The following CDK14 variants were observed in gnomAD, a reference collection of about 807,000 sequenced individuals.
CDK14 encodes the protein cyclin dependent kinase 14.
A neutral mutation model predicts 60.7 loss-of-function variants in CDK14; 34 were observed. The observed-to-expected ratio is 0.56, with a 90% CI of 0.43 to 0.75. The LOEUF (loss-of-function observed/expected upper bound fraction) is 0.75, where lower values mean the gene tolerates loss of function less well. CDK14 is among the 30% of genes least tolerant of loss of function. The pLI is 0.00. For missense variants in CDK14, 482 were observed against 564.1 expected (o/e 0.85, Z 1.47); for synonymous variants, 197 against 203.7 (o/e 0.97, Z 0.28).
chr7:90,838,986 T>C (rs1388863199), intron 5 of CDK14, among the ~76,000 whole-genome samples: 1 of 152,136 alleles, frequency 6.6e-6, no homozygotes, highest in Non-Finnish European at 1.5e-5. Context: ...AACTTGCTGG[T>C]TTTGCAGCTA....
chr7:91,115,711 C>T (rs929978944), intron 13 of CDK14, among the ~76,000 whole-genome samples: 22 of 152,264 alleles, frequency 1.4e-4, no homozygotes, highest in African/African-American at 4.8e-4. Context: ...TGTCAGACCC[C>T]ATGAGAAGGG....
intron 1 of CDK14, among the ~76,000 whole-genome samples, chr7:90,603,690 A>G (rs572202341): frequency 5.3e-5 from 8 of 152,340 alleles, no homozygotes; most frequent in African/African-American, 1.9e-4. Flanking sequence ...ATACTTTGTT[A>G]TAAAATTTAT....
intron 12 of CDK14, among the ~76,000 whole-genome samples, chr7:91,092,114 T>C (rs1441571831): frequency 6.6e-6 from 1 of 152,208 alleles, no homozygotes; most frequent in East Asian, 1.9e-4. Context: ...CTAGCAATCA[T>C]GCCAATTTGG....
At chr7:91,170,292 G>C (rs542905628) in intron 14 of CDK14, among the ~76,000 whole-genome samples, 1 of 152,138 alleles carries the variant, frequency 6.6e-6, no homozygotes, top group South Asian at 2.1e-4. Flanking sequence ...TGGATTTTGG[G>C]GCTCTTTTAA....
chr7:90,890,189 A>G (rs952737418), intron 6 of CDK14, among the ~76,000 whole-genome samples: 8 of 152,374 alleles, frequency 5.3e-5, no homozygotes, highest in Admixed American at 2.6e-4. Flanking sequence ...CCCGGACAAC[A>G]TAGTGAGAGT....
chr7:90,907,042 T>G (rs1485441423), intron 7 of CDK14, among the ~76,000 whole-genome samples: 1 of 152,052 alleles, frequency 6.6e-6, no homozygotes, highest in Non-Finnish European at 1.5e-5. Context: ...TAATATCAAT[T>G]TTTGACAAAG....
At chr7:91,194,629 G>A (rs947919825) in intron 14 of CDK14, among the ~76,000 whole-genome samples, 9 of 152,060 alleles carry the variant, frequency 5.9e-5, no homozygotes, top group African/African-American at 2.2e-4. Flanking sequence ...CATGATAGGT[G>A]CTTAGGGTGC....
chr7:90,993,356 T>G (rs886210856), intron 10 of CDK14, among the ~76,000 whole-genome samples: 2 of 152,080 alleles, frequency 1.3e-5, no homozygotes, highest in Non-Finnish European at 2.9e-5. Flanking sequence ...TATTTTATAA[T>G]CTAAGTATTT....
chr7:90,735,127 A>T (rs1803037558), intron 3 of CDK14, among the ~76,000 whole-genome samples: 1 of 152,200 alleles, frequency 6.6e-6, no homozygotes, highest in Non-Finnish European at 1.5e-5. Context: ...TTGCCTGGGT[A>T]TCACGAGCAG....
At chr7:91,199,978 G>A (rs1802667114) in intron 14 of CDK14, among the ~76,000 whole-genome samples, 1 of 152,126 alleles carries the variant, frequency 6.6e-6, no homozygotes, top group Non-Finnish European at 1.5e-5. Context: ...TACAGAAGTA[G>A]GTTTGACTAA....
At chr7:90,948,771 AGT>A (rs1419871225) in intron 8 of CDK14, among the ~76,000 whole-genome samples, 3 of 152,270 alleles carry the variant, frequency 2.0e-5, no homozygotes, top group African/African-American at 7.2e-5. Context: ...TCATACACAT[AGT>A]GAAACCAACA....
chr7:90,653,484 A>C (rs11563414), intron 2 of CDK14, among the ~76,000 whole-genome samples: 18 of 151,302 alleles, frequency 1.2e-4, no homozygotes, highest in Admixed American at 2.0e-4. Flanking sequence ...TCTGGATCCT[A>C]GGAACCACTC....
intron 2 of CDK14, among the ~76,000 whole-genome samples, chr7:90,690,787 A>C (rs562415181): frequency 5.9e-4 from 90 of 152,176 alleles, no homozygotes; most frequent in Non-Finnish European, 1.0e-3. Flanking sequence ...TAGCAAATGT[A>C]GAGAATTTTC....
At chr7:90,675,204 T>A (rs1298803469) in intron 2 of CDK14, among the ~76,000 whole-genome samples, 1 of 152,024 alleles carries the variant, frequency 6.6e-6, no homozygotes, top group Non-Finnish European at 1.5e-5. Context: ...TAGTAGGGAT[T>A]TTTTTTTCTT....
intron 3 of CDK14, among the ~76,000 whole-genome samples, chr7:90,736,350 G>GTTTTTTTTTTTTTT (rs869290471): frequency 4.0e-5 from 2 of 50,280 alleles, no homozygotes; most frequent in African/African-American, 8.8e-5. Flanking sequence ...TTATGTTTTT[G>GTTTTTTTTTTTTTT]TTTTTTTTTT....
chr7:90,787,679 T>C (rs1009168970), intron 4 of CDK14, among the ~76,000 whole-genome samples: 3 of 152,180 alleles, frequency 2.0e-5, no homozygotes, highest in African/African-American at 7.2e-5. Flanking sequence ...CTGGAACTTA[T>C]GGTGTAGTAT....
intron 5 of CDK14, among the ~76,000 whole-genome samples, chr7:90,816,169 C>G (rs753211733): frequency 2.0e-5 from 3 of 152,120 alleles, no homozygotes; most frequent in Non-Finnish European, 2.9e-5. Context: ...TTGGGCTGAG[C>G]CTTCAAACGT....
chr7:90,745,097 T>C (rs1464457767), intron 3 of CDK14, among the ~76,000 whole-genome samples: 1 of 152,176 alleles, frequency 6.6e-6, no homozygotes, highest in African/African-American at 2.4e-5. Flanking sequence ...TTAAGAAACA[T>C]CCTAAAACAT....
intron 10 of CDK14, among the ~76,000 whole-genome samples, chr7:91,040,869 G>A (rs1562879304): frequency 6.6e-6 from 1 of 152,240 alleles, no homozygotes. Context: ...GAGAGAATTG[G>A]TGGAACTAGT....
Sources: allele counts gnomAD v4.1 joint callset (sites outside exome capture counted in the v4.1 genomes callset), GRCh38; gene constraint gnomAD v4.1.1; transcripts MANE v1.5; gene names NCBI Gene and HGNC (gene_info 2026-07-23, HGNC 2026-07-21).